The following KLHL1 variants were observed in gnomAD, a reference collection of about 807,000 sequenced individuals.
KLHL1 encodes the protein kelch like family member 1, also known as kelch-like protein 1.
A neutral mutation model predicts 77.7 loss-of-function variants in KLHL1; 47 were observed. The observed-to-expected ratio is 0.60, with a 90% confidence interval of 0.48 to 0.77. KLHL1 has a LOEUF of 0.77. KLHL1 is among the 30% of genes least tolerant of loss of function. The pLI, the probability that KLHL1 is intolerant of heterozygous loss-of-function variation, is 0.00. For missense variants in KLHL1, 925 were observed against 910.8 expected (o/e 1.02, Z -0.20); for synonymous variants, 360 against 325.2 (o/e 1.11, Z -1.15).
chr13:70,066,329 G>A (rs1278993955), intron 1 of KLHL1, among the ~76,000 whole-genome samples: 1 of 152,152 alleles, frequency 6.6e-6, no homozygotes, highest in African/African-American at 2.4e-5. Flanking sequence ...TATGAAGCAA[G>A]TTTAACGAGC....
chr13:69,927,537 AT>A (rs1804510517), intron 4 of KLHL1, among the ~76,000 whole-genome samples: 1 of 152,200 alleles, frequency 6.6e-6, no homozygotes, highest in Non-Finnish European at 1.5e-5. Context: ...TATCTAGAAT[AT>A]TTAAATAACT....
At chr13:70,082,842 G>C (rs978852339) in intron 1 of KLHL1, among the ~76,000 whole-genome samples, 6 of 152,162 alleles carry the variant, frequency 3.9e-5, no homozygotes, top group African/African-American at 1.4e-4. Context: ...GGTGCAGCTG[G>C]AGCCAATAAC....
intron 1 of KLHL1, among the ~76,000 whole-genome samples, chr13:70,017,005 T>G (rs928474438): frequency 6.6e-6 from 1 of 152,270 alleles, no homozygotes; most frequent in Non-Finnish European, 1.5e-5. Context: ...AGCTGAACAC[T>G]TATATGGACA....
At chr13:70,019,136 G>A (rs1279785798) in intron 1 of KLHL1, among the ~76,000 whole-genome samples, 3 of 132,062 alleles carry the variant, frequency 2.3e-5, no homozygotes, top group South Asian at 2.4e-4. Context: ...CTCTTAAACC[G>A]TAAATTGCCT....
At chr13:69,994,485 C>T (rs1885101527) in intron 1 of KLHL1, among the ~76,000 whole-genome samples, 1 of 152,100 alleles carries the variant, frequency 6.6e-6, no homozygotes, top group African/African-American at 2.4e-5. Context: ...GACCTGTCCT[C>T]CTATGCTTCA....
chr13:69,851,777 G>A (rs3012107), intron 5 of KLHL1, among the ~76,000 whole-genome samples: 141,841 of 151,748 alleles, frequency 0.93, 66,508 homozygotes, highest in East Asian at 0.99. Context: ...GTAAGTTTCT[G>A]GATCATCCTT....
chr13:69,704,244 C>A, intron 10 of KLHL1, among the ~76,000 whole-genome samples: 1 of 151,564 alleles, frequency 6.6e-6, no homozygotes, highest in South Asian at 2.1e-4. Context: ...GTGAATGACA[C>A]CCCTCTCCAT....
intron 1 of KLHL1, among the ~76,000 whole-genome samples, chr13:70,032,863 A>T (rs1886137833): frequency 6.6e-6 from 1 of 152,204 alleles, no homozygotes; most frequent in Admixed American, 6.5e-5. Context: ...TGGTTGGTGC[A>T]AACGTAATTG....
rs188442519 is a variant in KLHL1 at position 69,703,209 on chromosome 13, T to A, written c.2188-1448A>T. ...ATAAGATTATAATGGAGCTGAAAAATTCCATCGTCTGGTAATGTCATAGCC... is the reference window on the plus strand; with the variant it reads ...ATAAGATTATAATGGAGCTGAAAAAATCCATCGTCTGGTAATGTCATAGCC... On this transcript the variant is annotated intron_variant, in intron 10 of 10. Coordinates refer to ENST00000377844, the MANE Select transcript of KLHL1 (RefSeq NM_020866.3). Among the ~76,000 whole-genome samples, 345 of 151,676 alleles carry A rather than the reference T, an allele frequency of 2.3e-3. 3 individuals are homozygous for A. Among genetic ancestry groups the A allele is most frequent in the African/African-American group, 8.0e-3 (333 of 41,488 alleles).
intron 1 of KLHL1, among the ~76,000 whole-genome samples, chr13:70,038,568 G>A (rs1886294159): frequency 7.0e-6 from 1 of 142,310 alleles, no homozygotes; most frequent in African/African-American, 2.6e-5. Context: ...GCCAGCATTT[G>A]GGATTGTCAT....
Position 69,959,897 on chromosome 13 carries a change from A to C in KLHL1, c.817+1411T>G, listed in dbSNP as rs1417594034. Among the ~76,000 whole-genome samples the C allele has an allele frequency of 3.3e-5, 5 of 151,892 alleles. No individual in the cohort carries two copies. The East Asian group carries it at 9.7e-4, about 30-fold the overall frequency. On this transcript the variant is annotated intron_variant, in intron 3 of 10. Coordinates refer to ENST00000377844, the MANE Select transcript of KLHL1 (RefSeq NM_020866.3). ...CTCCCTCTGACCTTGGCACTTAAAAATCCTCCCTTCCTTCGTTTCAGTAAA... is the reference window on the plus strand; with the variant it reads ...CTCCCTCTGACCTTGGCACTTAAAACTCCTCCCTTCCTTCGTTTCAGTAAA...
chr13:70,076,059 C>A (rs1363495646), intron 1 of KLHL1, among the ~76,000 whole-genome samples: 2 of 151,654 alleles, frequency 1.3e-5, no homozygotes, highest in African/African-American at 4.8e-5. Context: ...CGAGTTCTCC[C>A]AAACTTGATC....
chr13:69,997,844 T>G (rs1333841238), intron 1 of KLHL1, among the ~76,000 whole-genome samples: 1 of 150,434 alleles, frequency 6.6e-6, no homozygotes, highest in Non-Finnish European at 1.5e-5. Context: ...TATTCTTTAT[T>G]TATTATTCTG....
At chr13:69,911,631 T>C (rs1882242755) in intron 4 of KLHL1, among the ~76,000 whole-genome samples, 1 of 151,852 alleles carries the variant, frequency 6.6e-6, no homozygotes, top group East Asian at 1.9e-4. Context: ...AAATCAGTTC[T>C]ACCATTTCCT....
intron 8 of KLHL1, among the ~76,000 whole-genome samples, chr13:69,736,679 G>T (rs934204103): frequency 9.6e-5 from 14 of 146,330 alleles, no homozygotes; most frequent in Admixed American, 6.7e-4. Flanking sequence ...GAGATTGTGA[G>T]ATATATATAT....
intron 7 of KLHL1, among the ~76,000 whole-genome samples, chr13:69,781,285 C>CTT (rs869083780): frequency 0.047 from 5,563 of 119,604 alleles, 193 homozygotes; most frequent in African/African-American, 0.093. Context: ...TTTTTTCTTT[C>CTT]TTTTTTTTTT....
At chr13:69,869,597 G>C (rs1462611691) in intron 5 of KLHL1, among the ~76,000 whole-genome samples, 1 of 152,128 alleles carries the variant, frequency 6.6e-6, no homozygotes, top group East Asian at 1.9e-4. Flanking sequence ...ATGGAAAAGT[G>C]TATATCTGTC....
At chr13:69,848,965 T>C (rs1879577107) in intron 5 of KLHL1, among the ~76,000 whole-genome samples, 1 of 151,642 alleles carries the variant, frequency 6.6e-6, no homozygotes, top group South Asian at 2.1e-4. Context: ...ATGGGTTTAC[T>C]GTTCCATATT....
chr13:69,775,931 T>A (rs1875806055), intron 7 of KLHL1, among the ~76,000 whole-genome samples: 1 of 151,716 alleles, frequency 6.6e-6, no homozygotes, highest in East Asian at 1.9e-4. Context: ...GGCGGGAGGA[T>A]CACAAGGTCA....
Sources: allele counts gnomAD v4.1 joint callset (sites outside exome capture counted in the v4.1 genomes callset), GRCh38; gene constraint gnomAD v4.1.1; transcripts MANE v1.5; gene names NCBI Gene and HGNC (gene_info 2026-07-23, HGNC 2026-07-21).